Variants in ADK observed in about 807,000 individuals in gnomAD.
ADK encodes N6,N6-dimethyladenosine kinase.
Under a neutral mutation model 44.7 loss-of-function variants are expected in ADK, and 24 were observed. That is an observed-to-expected ratio of 0.54 (90% confidence interval 0.39 to 0.76). ADK has a LOEUF of 0.76. Among genes scored for constraint, ADK ranks in the 30% least tolerant of loss-of-function variants. The pLI is 0.00. For missense variants in ADK, 321 were observed against 425.1 expected, an observed-to-expected ratio of 0.76 and a Z score of 2.15; for synonymous variants, 128 against 142.6, an observed-to-expected ratio of 0.90 and a Z score of 0.73.
At chr10:74,295,421 T>C (rs1281139071) in intron 3 of ADK, among the ~76,000 whole-genome samples, 3 of 151,654 alleles carry the variant, frequency 2.0e-5, no homozygotes, top group Non-Finnish European at 4.4e-5. Context: ...AAGATCACTT[T>C]ATTGCACTCC....
chr10:74,338,647 T>TA lies in ADK; in HGVS notation c.273+23911dup, dbSNP rs112089340. On this transcript the variant is annotated intron_variant, in intron 4 of 10. Transcript: ENST00000539909. ...TAGATCTTAAGTTCATCACACGAAG[T>TA]AAAAAAAAAGCTAAACTCAAAGTGT... Among the ~76,000 whole-genome samples the TA allele has an allele frequency of 5.0e-3, 760 of 150,986 alleles. 11 individuals carry two copies. Among genetic ancestry groups the TA allele is most frequent in the African/African-American group, 0.017 (701 of 41,144 alleles).
At chr10:74,649,047 GC>G (rs1184368396) in intron 9 of ADK, among the ~76,000 whole-genome samples, 3 of 152,032 alleles carry the variant, frequency 2.0e-5, no homozygotes, top group Non-Finnish European at 2.9e-5. Flanking sequence ...GGGCGTGGTG[GC>G]ACGCAGCCTG....
intron 9 of ADK, among the ~76,000 whole-genome samples, chr10:74,610,972 T>A (rs1231474075): frequency 1.3e-5 from 2 of 152,094 alleles, no homozygotes; most frequent in African/African-American, 2.4e-5. Flanking sequence ...TTGTTCTGAA[T>A]TGGAAATAAT....
chr10:74,423,161 C>A (rs1844628630), intron 6 of ADK, among the ~76,000 whole-genome samples: 1 of 151,952 alleles, frequency 6.6e-6, no homozygotes, highest in Non-Finnish European at 1.5e-5. Context: ...AGTAGGAGAG[C>A]AATAGAAAGG....
intron 3 of ADK, among the ~76,000 whole-genome samples, chr10:74,301,575 A>G (rs1275852608): frequency 6.6e-6 from 1 of 151,794 alleles, no homozygotes. Context: ...TATTTCCCCT[A>G]AAAGAATTAC....
chr10:74,607,609 C>G (rs577039358), intron 9 of ADK, among the ~76,000 whole-genome samples: 3 of 152,310 alleles, frequency 2.0e-5, no homozygotes, highest in African/African-American at 7.2e-5. Context: ...AGCTGTTAGT[C>G]TGATGGGCTT....
chr10:74,262,558 A>G (rs1028841536), intron 3 of ADK, among the ~76,000 whole-genome samples: 1 of 152,120 alleles, frequency 6.6e-6, no homozygotes, highest in Admixed American at 6.6e-5. Flanking sequence ...AAGCATGTTT[A>G]TTTCTAGTTT....
At chr10:74,615,799 C>T (rs905511271) in intron 9 of ADK, among the ~76,000 whole-genome samples, 4 of 152,092 alleles carry the variant, frequency 2.6e-5, no homozygotes, top group African/African-American at 9.7e-5. Flanking sequence ...ATCTCCACCT[C>T]CTGGGTTCAA....
chr10:74,573,879 G>T (rs894961703), intron 7 of ADK, among the ~76,000 whole-genome samples: 1 of 152,198 alleles, frequency 6.6e-6, no homozygotes, highest in African/African-American at 2.4e-5. Flanking sequence ...ATTGAGGTGG[G>T]AATGACCCGA....
At chr10:74,453,377 C>G (rs1465914052) in intron 6 of ADK, among the ~76,000 whole-genome samples, 3 of 152,146 alleles carry the variant, frequency 2.0e-5, no homozygotes, top group Admixed American at 6.5e-5. Flanking sequence ...GTTACTTTGA[C>G]TTTGTCTCTT....
At chr10:74,247,280 G>A (rs140162757) in intron 3 of ADK, among the ~76,000 whole-genome samples, 6 of 127,998 alleles carry the variant, frequency 4.7e-5, no homozygotes, top group Middle Eastern at 6.3e-3. Context: ...AGCTAGGCTC[G>A]GGGGCTGGAG....
intron 7 of ADK, among the ~76,000 whole-genome samples, chr10:74,584,900 T>G (rs895726528): frequency 1.3e-5 from 2 of 152,232 alleles, no homozygotes; most frequent in Non-Finnish European, 2.9e-5. Flanking sequence ...GCAGTGAGTA[T>G]GGGCAAGTTA....
chr10:74,687,661 T>G (rs111822843), intron 10 of ADK, among the ~76,000 whole-genome samples: 1 of 152,204 alleles, frequency 6.6e-6, no homozygotes, highest in African/African-American at 2.4e-5. Context: ...TATCATACAA[T>G]ACATGGAACA....
chr10:74,152,680 G>C (rs918537308), intron 1 of ADK, among the ~76,000 whole-genome samples: 6 of 151,942 alleles, frequency 3.9e-5, no homozygotes, highest in African/African-American at 1.5e-4. Context: ...TTATTATCTT[G>C]TTGGACAGTT....
At chr10:74,238,856 CTTTTT>C (rs752385282) in intron 3 of ADK, among the ~76,000 whole-genome samples, 4 of 88,196 alleles carry the variant, frequency 4.5e-5, no homozygotes, top group African/African-American at 1.9e-4. Flanking sequence ...TTAGCTAGTG[CTTTTT>C]TTTTTTTTTT....
intron 9 of ADK, among the ~76,000 whole-genome samples, chr10:74,668,730 G>A (rs960044010): frequency 5.9e-5 from 9 of 151,658 alleles, no homozygotes; most frequent in East Asian, 2.0e-4. Flanking sequence ...ATGAGACTCC[G>A]TCTCAAAGAA....
rs56042541 is a variant in ADK, at chr10:74,567,699, GTTTTTTTTT to G, written c.727-21574_727-21566del. Among the ~76,000 whole-genome samples, 229 of 112,364 alleles carry G rather than the reference GTTTTTTTTT, an allele frequency of 2.0e-3. 1 individual carries two copies. The highest frequency in any genetic ancestry group is 0.011 in the South Asian group (37 of 3,448). 73.7% of individuals were successfully genotyped at this position (112,364 alleles called of 152,430 possible). ...TCTCTCTGTTTTTTTTGTTTTTTTTGTTTTTTTTTTTTTTTTTGAGATGGAGTCTCGCTC... is the reference window on the plus strand; with the variant it reads ...TCTCTCTGTTTTTTTTGTTTTTTTTGTTTTTTTTGAGATGGAGTCTCGCTC... On this transcript the variant is annotated intron_variant, in intron 7 of 10. Coordinates refer to ENST00000539909, the MANE Select transcript of ADK (RefSeq NM_006721.4).
chr10:74,201,732 A>G (rs78050798), intron 2 of ADK, among the ~76,000 whole-genome samples: 2 of 145,288 alleles, frequency 1.4e-5, no homozygotes. Context: ...ATCTATCTAT[A>G]TATGGTTCAG....
At chr10:74,266,047 A>ATG (rs1166719239) in intron 3 of ADK, among the ~76,000 whole-genome samples, 3 of 152,124 alleles carry the variant, frequency 2.0e-5, no homozygotes, top group African/African-American at 7.2e-5. Flanking sequence ...CTTAAGGATG[A>ATG]TGTGTTGATG....
Sources: allele counts gnomAD v4.1 joint callset (sites outside exome capture counted in the v4.1 genomes callset), GRCh38; gene constraint gnomAD v4.1.1; transcripts MANE v1.5; gene names NCBI Gene and HGNC (gene_info 2026-07-23, HGNC 2026-07-21).